PLOD1: variants seen among roughly 807,000 people sequenced by gnomAD.
PLOD1 encodes the protein procollagen-lysine,2-oxoglutarate 5-dioxygenase 1.
PLOD1 carries 70 observed loss-of-function variants against 94.7 expected under a neutral mutation model. The ratio of observed to expected loss-of-function variants is 0.74; its 90% CI spans 0.61 to 0.90. The LOEUF is 0.90. Ranked by LOEUF, PLOD1 falls within the 40% of genes least tolerant of loss-of-function variation. PLOD1 has a pLI of 0.00. For synonymous variants in PLOD1, 417 were observed against 400.2 expected, an observed-to-expected ratio of 1.04 and a Z score of -0.50; for missense variants, 905 against 972.7, an observed-to-expected ratio of 0.93 and a Z score of 0.93.
At chr1:11,954,502 T>C in intron 5 of PLOD1, 1 of 595,444 alleles carries the variant, frequency 1.7e-6, no homozygotes, top group Admixed American at 1.9e-5. Context: ...AAAGAATATT[T>C]GGAGTAGCTA....
At position 11,974,887 on chromosome 1, in the gene PLOD1, C is replaced by A; in HGVS notation, c.*79C>A. ...AGCAGCCTCTGGGACCTCGGGGTCCCAGGGAACCCAGTCCAGCCTCCTGGC... is the reference window on the plus strand; with the variant it reads ...AGCAGCCTCTGGGACCTCGGGGTCCAAGGGAACCCAGTCCAGCCTCCTGGC... On this transcript the variant is annotated 3_prime_UTR_variant, in exon 19 of 19. Transcript: ENST00000196061. The A allele has an allele frequency of 7.1e-7, 1 of 1,401,238 alleles. No homozygotes were observed. The highest frequency in any genetic ancestry group is 1.0e-6 in the Non-Finnish European group (1 of 986,262). 86.8% of individuals were successfully genotyped at this position (1,401,238 alleles called of 1,614,324 possible).
At chr1:11,970,405 C>T (rs1027822861) in intron 16 of PLOD1, among the ~76,000 whole-genome samples, 2 of 152,184 alleles carry the variant, frequency 1.3e-5, no homozygotes, top group Admixed American at 6.5e-5. Context: ...TGCGCTCTTA[C>T]CTGTGCAACA....
rs763030551 is a variant in PLOD1 at position 11,974,736 on chromosome 1, C to G, written c.2112C>G (p.Leu704=). Residue 704 remains leucine, a synonymous_variant, in exon 19 of 19, where the codon CTC becomes CTG. Transcript: ENST00000196061. ...KGWTLMHPGR[L]THYHEGLPTT... ...GGACCCTCATGCACCCTGGACGACT[C>G]ACGCATTACCATGAGGGGCTCCCCA... is the stretch of plus-strand genomic sequence containing the variant. 6.2e-7 allele frequency: 1 copy of G among 1,613,926 alleles called. No homozygotes were observed. Among genetic ancestry groups the G allele is most frequent in the East Asian group, 2.2e-5 (1 of 44,886 alleles).
At chr1:11,956,454 C>A (rs1430166888) in intron 6 of PLOD1, among the ~76,000 whole-genome samples, 1 of 152,188 alleles carries the variant, frequency 6.6e-6, no homozygotes, top group African/African-American at 2.4e-5. Flanking sequence ...GCTCCCTCCA[C>A]TGGGACAAGA....
intron 11 of PLOD1, 96 bp from the exon 12 acceptor site, chr1:11,964,079 A>G: frequency 8.0e-7 from 1 of 1,249,320 alleles, no homozygotes; most frequent in Admixed American, 1.7e-5. Flanking sequence ...CCCTGCGTGC[A>G]GGTTGAGGGG....
intron 14 of PLOD1, among the ~76,000 whole-genome samples, chr1:11,965,829 C>CCTAGAT (rs1266767962): frequency 6.6e-6 from 1 of 152,162 alleles, no homozygotes; most frequent in East Asian, 1.9e-4. Context: ...GGGTTTGTGG[C>CCTAGAT]CTAGATCTGC....
At chr1:11,960,852 G>T in intron 10 of PLOD1, 85 bp downstream of exon 10, 2 of 1,590,998 alleles carry the variant, frequency 1.3e-6, no homozygotes, top group Non-Finnish European at 8.5e-7. Flanking sequence ...CTGAGTGACA[G>T]GAGTTCAGAA....
chr1:11,972,828 T>G lies in PLOD1; in HGVS notation c.1903-44T>G. On this transcript the variant is annotated intron_variant, in intron 17 of 18. Coordinates refer to ENST00000196061, the MANE Select transcript of PLOD1 (RefSeq NM_000302.4). The surrounding 1 kb of genome is among the most constrained non-coding windows in gnomAD (Gnocchi z 4.6). ...CCCTCCTCTCCTGGCCTTTGTGTCC[T>G]CCTTAACTAACACGGGCTCTCTTGT... The G allele has an allele frequency of 1.2e-6, 2 of 1,612,884 alleles. No individual in the cohort carries two copies. Among genetic ancestry groups the G allele is most frequent in the Non-Finnish European group, 1.7e-6 (2 of 1,179,116 alleles).
rs1457847246 is a variant in PLOD1, at chr1:11,942,712, G to A, written c.77-5264G>A. Among the ~76,000 whole-genome samples, 7 of 152,168 alleles carry A rather than the reference G, an allele frequency of 4.6e-5. 1 individual carries two copies. The highest frequency in any genetic ancestry group is 9.7e-5 in the African/African-American group (4 of 41,432). ...CCCTGCATTGCAGCCCAGTGTCAGCGGACCAAGGGGATGGATTGGACCAGT... is the reference window on the plus strand; with the variant it reads ...CCCTGCATTGCAGCCCAGTGTCAGCAGACCAAGGGGATGGATTGGACCAGT... On this transcript the variant is annotated intron_variant, in intron 1 of 18. Transcript: ENST00000196061.
intron 16 of PLOD1, among the ~76,000 whole-genome samples, chr1:11,967,596 T>TATATATATATA (rs1645828296): frequency 9.6e-6 from 1 of 103,920 alleles, no homozygotes; most frequent in Non-Finnish European, 1.8e-5. Flanking sequence ...TGTGTGTGTG[T>TATATATATATA]GTATATATAT....
At chr1:11,971,373 G>C (rs1179046219) in intron 17 of PLOD1, among the ~76,000 whole-genome samples, 1 of 151,026 alleles carries the variant, frequency 6.6e-6, no homozygotes, top group Non-Finnish European at 1.5e-5. Flanking sequence ...AGGCAGGAGT[G>C]AGGTCTCACC....
At chr1:11,938,639 G>A (rs1027254037) in intron 1 of PLOD1, among the ~76,000 whole-genome samples, 1 of 152,176 alleles carries the variant, frequency 6.6e-6, no homozygotes, top group African/African-American at 2.4e-5. Context: ...GCAGATGGAT[G>A]GGAGGAGGCA....
rs576264625 is a variant in PLOD1, at chr1:11,944,614, C to A, written c.77-3362C>A. On this transcript the variant is annotated intron_variant, in intron 1 of 18. Coordinates refer to ENST00000196061, the MANE Select transcript of PLOD1 (RefSeq NM_000302.4). The stretch of plus-strand genomic sequence containing the variant: ...CGTCCTGGCAGGAGCTCGGGGGAGC[C>A]CTTCCCCAAGTGTGAGCAGCATCCC... 7 of 1,364,918 alleles carry A rather than the reference C, an allele frequency of 5.1e-6. No homozygotes were observed. The South Asian group carries it at 8.0e-5, about 16-fold the overall frequency. 84.6% of individuals were successfully genotyped at this position (1,364,918 alleles called of 1,614,324 possible).
intron 5 of PLOD1, chr1:11,954,618 G>C (rs1645725561): frequency 2.6e-6 from 2 of 768,242 alleles, no homozygotes; most frequent in African/African-American, 1.7e-5. Flanking sequence ...CAGAGTCCCT[G>C]GTTTTCTGTG....
intron 18 of PLOD1, among the ~76,000 whole-genome samples, chr1:11,973,829 A>G (rs1310514970): frequency 6.6e-6 from 1 of 151,744 alleles, no homozygotes; most frequent in Non-Finnish European, 1.5e-5. Context: ...TACAACAAAC[A>G]TATCAGGCAT....
At chr1:11,949,937 C>T (rs1175194863) in intron 3 of PLOD1, 31 bp downstream of exon 3, 2 of 1,609,208 alleles carry the variant, frequency 1.2e-6, no homozygotes, top group Admixed American at 1.7e-5. Flanking sequence ...TAGCCTGGGC[C>T]CCTCCGCGGA....
intron 1 of PLOD1, among the ~76,000 whole-genome samples, chr1:11,937,105 C>T (rs1395518742): frequency 6.6e-6 from 1 of 152,214 alleles, no homozygotes; most frequent in Non-Finnish European, 1.5e-5. Flanking sequence ...ACCTCGGCCT[C>T]CCAAAGTACC....
chr1:11,934,917 G>A, intron 1 of PLOD1, 62 bp downstream of exon 1: 1 of 1,507,812 alleles, frequency 6.6e-7, no homozygotes, highest in Non-Finnish European at 8.8e-7. Context: ...GTGTCGGGCT[G>A]CCTCCCTGGG....
Position 11,966,298 on chromosome 1 carries a change from A to C in PLOD1, c.1632A>C (p.Ala544=), listed in dbSNP as rs2230898. The C allele has an allele frequency of 0.076, 121,279 of 1,606,252 alleles. 5,095 individuals are homozygous for C. The highest frequency in any genetic ancestry group is 0.085 in the East Asian group (3,776 of 44,560). The change falls in exon 15 of 19, where the codon GCA becomes GCC. Residue 544 remains alanine (A), a synonymous_variant. Coordinates refer to ENST00000196061, the MANE Select transcript of PLOD1 (RefSeq NM_000302.4). ...YIHQNYTKAL[A]GKLVETPCPD... ...ACCAGAACTACACCAAAGCCCTGGC[A>C]GGGAAGCTGGTGGAGACGGTAAGGG...
Sources: allele counts gnomAD v4.1 joint callset (sites outside exome capture counted in the v4.1 genomes callset), GRCh38; gene constraint gnomAD v4.1.1; non-coding constraint Gnocchi (gnomAD v3.1); transcripts MANE v1.5; gene names NCBI Gene and HGNC (gene_info 2026-07-23, HGNC 2026-07-21).